The following ADAM23 variants were observed in gnomAD, a reference collection of about 807,000 sequenced individuals.
ADAM23 encodes the protein disintegrin and metalloproteinase domain-containing protein 23.
In ADAM23, 33 loss-of-function variants were observed where a neutral mutation model predicts 120.1. That is an observed-to-expected ratio of 0.27 (90% CI 0.21 to 0.37). ADAM23 has a LOEUF of 0.37. ADAM23 is among the 10% of genes least tolerant of loss of function. ADAM23 has a pLI of 1.00. For synonymous variants in ADAM23, 367 were observed against 375.2 expected (o/e 0.98, Z 0.25); for missense variants, 862 against 1,058.2 (o/e 0.81, Z 2.57).
chr2:206,554,232 A>G (rs1375362447), intron 9 of ADAM23, among the ~76,000 whole-genome samples: 2 of 152,220 alleles, frequency 1.3e-5, no homozygotes, highest in African/African-American at 2.4e-5. Flanking sequence ...GTGGCTTTCC[A>G]TTAGAAAAGA....
At chr2:206,534,578 A>G (rs1697134373) in intron 4 of ADAM23, among the ~76,000 whole-genome samples, 1 of 152,094 alleles carries the variant, frequency 6.6e-6, no homozygotes, top group Non-Finnish European at 1.5e-5. Context: ...GAGCCTATTT[A>G]AATAAGTTAA....
At position 206,570,682 on chromosome 2, in the gene ADAM23, G is replaced by A. The variant is rs1697977879; in HGVS notation, c.1495-58G>A. The A allele has an allele frequency of 2.9e-6, 4 of 1,372,664 alleles. No homozygotes were observed. In the Admixed American group the frequency reaches 6.8e-5, roughly 23 times the overall value. The allele number at this position is 1,372,664 out of a possible 1,614,324, so 85.0% of individuals were successfully genotyped here. A position where few individuals can be genotyped will look rare whatever the true frequency, so the allele number is the denominator to read the frequency against. On this transcript the variant is annotated intron_variant, in intron 15 of 25. Transcript: ENST00000264377. The stretch of plus-strand genomic sequence containing the variant: ...GGCCATTGTATGTGGCCCAGTTGAT[G>A]TGCTGATTTTCTGTGATAAATTGAA...
intron 25 of ADAM23, among the ~76,000 whole-genome samples, chr2:206,612,756 C>T (rs1455060399): frequency 2.0e-5 from 3 of 152,100 alleles, no homozygotes; most frequent in South Asian, 4.1e-4. Context: ...ACTATTATTT[C>T]CTCTGAAATA....
intron 9 of ADAM23, among the ~76,000 whole-genome samples, chr2:206,551,610 T>G (rs924131562): frequency 6.6e-6 from 1 of 152,170 alleles, no homozygotes; most frequent in Non-Finnish European, 1.5e-5. Context: ...AAAATTAGAT[T>G]AGTACATGGT....
chr2:206,520,683 T>C (rs1696824552), intron 3 of ADAM23, among the ~76,000 whole-genome samples: 1 of 152,146 alleles, frequency 6.6e-6, no homozygotes, highest in Non-Finnish European at 1.5e-5. Context: ...ATTACTTTGC[T>C]GATGGCTCTA....
intron 10 of ADAM23, among the ~76,000 whole-genome samples, chr2:206,558,188 A>G (rs1199463616): frequency 6.6e-6 from 1 of 152,196 alleles, no homozygotes; most frequent in African/African-American, 2.4e-5. Flanking sequence ...AGATATGAAC[A>G]TTATATATTA....
chr2:206,506,045 G>A (rs1323030806), intron 3 of ADAM23, among the ~76,000 whole-genome samples: 2 of 152,164 alleles, frequency 1.3e-5, no homozygotes, highest in Non-Finnish European at 2.9e-5. Context: ...ACACTTTATA[G>A]AATGGATCAT....
chr2:206,571,052 A>G (rs1249726060), intron 16 of ADAM23, among the ~76,000 whole-genome samples: 1 of 152,202 alleles, frequency 6.6e-6, no homozygotes, highest in African/African-American at 2.4e-5. Context: ...TGTAGCTCAT[A>G]TTCATCTCAG....
chr2:206,511,659 C>T (rs1298595993), intron 3 of ADAM23, among the ~76,000 whole-genome samples: 2 of 152,180 alleles, frequency 1.3e-5, no homozygotes, highest in African/African-American at 4.8e-5. Flanking sequence ...TCACTTCACC[C>T]CTAGAAGGTC....
At chr2:206,537,200 A>G (rs1253623369) in intron 4 of ADAM23, among the ~76,000 whole-genome samples, 1 of 151,982 alleles carries the variant, frequency 6.6e-6, no homozygotes, top group East Asian at 1.9e-4. Flanking sequence ...GTATAACCAC[A>G]TCACCCTTTT....
intron 2 of ADAM23, among the ~76,000 whole-genome samples, chr2:206,459,056 A>G (rs1695359363): frequency 6.6e-6 from 1 of 152,226 alleles, no homozygotes; most frequent in Admixed American, 6.5e-5. Flanking sequence ...TAATACACTG[A>G]TTCCCCTCTT....
rs150180076 is a variant in ADAM23 at position 206,481,607 on chromosome 2, G to A, written c.509+299G>A. 5.5e-3 allele frequency among the ~76,000 whole-genome samples: 834 copies of A among 152,146 alleles called. 11 individuals are homozygous for A. Among genetic ancestry groups the A allele is most frequent in the African/African-American group, 0.019 (770 of 41,516 alleles). On this transcript the variant is annotated intron_variant, in intron 3 of 25. Transcript: ENST00000264377. ...TTATAATCATCACTATATATAAGAA[G>A]CATGATAAATTTACTGATTCAAGTA...
chr2:206,610,616 C>T (rs552747072), intron 25 of ADAM23, among the ~76,000 whole-genome samples: 1 of 152,166 alleles, frequency 6.6e-6, no homozygotes, highest in African/African-American at 2.4e-5. Flanking sequence ...AAATATTGAC[C>T]TGACAGGTAG....
chr2:206,500,243 T>G lies in ADAM23; in HGVS notation c.509+18935T>G, dbSNP rs7560952. On this transcript the variant is annotated intron_variant, in intron 3 of 25. Coordinates refer to ENST00000264377, the MANE Select transcript of ADAM23 (RefSeq NM_003812.4). ...CTATTGTCATGGTAGCCACACCATA[T>G]AGGAAGCAAAAGAAAACTAGTGTTT... Among the ~76,000 whole-genome samples, 819 of 152,214 alleles carry G rather than the reference T, an allele frequency of 5.4e-3. 16 individuals carry two copies. Among genetic ancestry groups the G allele is most frequent in the African/African-American group, 0.019 (790 of 41,552 alleles).
intron 3 of ADAM23, among the ~76,000 whole-genome samples, chr2:206,487,848 A>T (rs1696046402): frequency 6.6e-6 from 1 of 152,240 alleles, no homozygotes; most frequent in Non-Finnish European, 1.5e-5. Flanking sequence ...ATCTTGAATG[A>T]TGCCCAGGGA....
chr2:206,490,490 T>G (rs1696111196), intron 3 of ADAM23, among the ~76,000 whole-genome samples: 3 of 152,202 alleles, frequency 2.0e-5, no homozygotes, highest in African/African-American at 7.2e-5. Context: ...TTAGGTACTT[T>G]AGGATGATTG....
intron 3 of ADAM23, among the ~76,000 whole-genome samples, chr2:206,489,158 G>A (rs1324934022): frequency 3.9e-5 from 6 of 152,202 alleles, no homozygotes; most frequent in Non-Finnish European, 1.5e-5. Flanking sequence ...TGTGGCTGGG[G>A]ACAGCTTGAG....
At chr2:206,548,545 A>T (rs553851692) in intron 8 of ADAM23, among the ~76,000 whole-genome samples, 191 bp downstream of exon 8, 6 of 152,242 alleles carry the variant, frequency 3.9e-5, no homozygotes, top group Non-Finnish European at 7.3e-5. Context: ...TCTTTCTGTT[A>T]GTGATTCAAA....
At chr2:206,570,131 A>G (rs78489689) in intron 15 of ADAM23, among the ~76,000 whole-genome samples, 2 of 152,156 alleles carry the variant, frequency 1.3e-5, no homozygotes, top group African/African-American at 4.8e-5. Flanking sequence ...TCTAGAAATT[A>G]TACTCTTCTA....
Sources: gnomAD v4.1 joint callset for allele counts (sites outside exome capture counted in the v4.1 genomes callset) on GRCh38, gnomAD v4.1.1 for gene constraint, MANE v1.5 for transcripts, NCBI Gene and HGNC (gene_info 2026-07-23, HGNC 2026-07-21) for gene names.